KCNN2: variants seen among roughly 807,000 people sequenced by gnomAD.
KCNN2 encodes the protein potassium calcium-activated channel subfamily N member 2.
A neutral mutation model predicts 55.5 loss-of-function variants in KCNN2; 24 were observed. That is an observed-to-expected ratio of 0.43 (90% confidence interval 0.31 to 0.61). The LOEUF is 0.61. Ranked by LOEUF, KCNN2 falls within the 20% of genes least tolerant of loss-of-function variation. The pLI, the probability that KCNN2 is intolerant of heterozygous loss-of-function variation, is 0.08. For missense variants in KCNN2, 754 were observed against 853.6 expected (o/e 0.88, Z 1.45); for synonymous variants, 431 against 336.1 (o/e 1.28, Z -3.09).
intron 3 of KCNN2, among the ~76,000 whole-genome samples, chr5:114,455,823 T>C (rs1760899957): frequency 6.6e-6 from 1 of 152,212 alleles, no homozygotes; most frequent in South Asian, 2.1e-4. Flanking sequence ...AGCTGCAACA[T>C]TTCCTCAAGC....
At chr5:114,269,123 C>A (rs888959231) in intron 2 of KCNN2, among the ~76,000 whole-genome samples, 3 of 152,230 alleles carry the variant, frequency 2.0e-5, no homozygotes, top group African/African-American at 7.2e-5. Flanking sequence ...TGTTCTCTCT[C>A]TTCTTGCATT....
intron 4 of KCNN2, among the ~76,000 whole-genome samples, chr5:114,470,697 T>A (rs928740406): frequency 6.6e-6 from 1 of 152,222 alleles, no homozygotes; most frequent in Non-Finnish European, 1.5e-5. Context: ...CCCTCTGCCT[T>A]TACTTTCCTT....
At chr5:114,077,522 C>G (rs1053586084) in intron 1 of KCNN2, among the ~76,000 whole-genome samples, 5 of 152,198 alleles carry the variant, frequency 3.3e-5, no homozygotes, top group Non-Finnish European at 5.9e-5. Flanking sequence ...GGACACTGCC[C>G]TGGGTCTTGA....
intron 1 of KCNN2, among the ~76,000 whole-genome samples, chr5:114,128,013 A>T (rs1751973981): frequency 6.6e-6 from 1 of 152,146 alleles, no homozygotes; most frequent in South Asian, 2.1e-4. Flanking sequence ...AAGCCACTCA[A>T]CAAATCTCTA....
chr5:114,367,890 A>G (rs892831513), intron 2 of KCNN2, among the ~76,000 whole-genome samples: 18 of 152,130 alleles, frequency 1.2e-4, no homozygotes, highest in Admixed American at 1.0e-3. Context: ...GGGACAGAAA[A>G]CCCCTTGGAC....
chr5:114,194,999 A>G (rs1019530688), intron 1 of KCNN2, among the ~76,000 whole-genome samples: 5 of 151,770 alleles, frequency 3.3e-5, no homozygotes, highest in Admixed American at 6.6e-5. Flanking sequence ...TTAATGGACT[A>G]TAGTGTAAAG....
At chr5:114,388,666 C>T (rs931245386) in intron 2 of KCNN2, among the ~76,000 whole-genome samples, 1 of 152,122 alleles carries the variant, frequency 6.6e-6, no homozygotes, top group Non-Finnish European at 1.5e-5. Flanking sequence ...CACTCCTTAG[C>T]AGTCACTTCT....
At chr5:114,494,402 A>T (rs1748011381) in intron 7 of KCNN2, among the ~76,000 whole-genome samples, 1 of 150,586 alleles carries the variant, frequency 6.6e-6, no homozygotes, top group Non-Finnish European at 1.5e-5. Flanking sequence ...CACATACTAG[A>T]TGTTGAAGAC....
intron 3 of KCNN2, among the ~76,000 whole-genome samples, chr5:114,430,951 A>G (rs1759773938): frequency 6.6e-6 from 1 of 152,128 alleles, no homozygotes; most frequent in African/African-American, 2.4e-5. Flanking sequence ...ATTCCGTTTA[A>G]TTGTGATATA....
At chr5:114,479,297 A>G (rs1762116469) in intron 5 of KCNN2, among the ~76,000 whole-genome samples, 1 of 152,150 alleles carries the variant, frequency 6.6e-6, no homozygotes, top group Admixed American at 6.5e-5. Context: ...TCAAACCAAC[A>G]AAGATTAAAA....
chr5:114,275,091 T>C (rs980159083), intron 2 of KCNN2, among the ~76,000 whole-genome samples: 1 of 152,192 alleles, frequency 6.6e-6, no homozygotes, highest in African/African-American at 2.4e-5. Context: ...ATTGAGATAA[T>C]TATGTGGTTT....
intron 1 of KCNN2, among the ~76,000 whole-genome samples, chr5:114,175,742 A>C (rs1377025812): frequency 6.6e-6 from 1 of 152,226 alleles, no homozygotes. Flanking sequence ...TCTATGAAAT[A>C]TTTTAATTCT....
At chr5:114,061,563 C>A (rs765343971) in intron 1 of KCNN2, among the ~76,000 whole-genome samples, 1 of 151,960 alleles carries the variant, frequency 6.6e-6, no homozygotes, top group Non-Finnish European at 1.5e-5. Context: ...TGTTCCCATT[C>A]AGGGATCTAG....
At chr5:114,428,271 T>C (rs981920922) in intron 3 of KCNN2, among the ~76,000 whole-genome samples, 1 of 152,156 alleles carries the variant, frequency 6.6e-6, no homozygotes, top group African/African-American at 2.4e-5. Flanking sequence ...AATGTATGTG[T>C]TTTAATAACA....
rs2150045118 is a variant in KCNN2 at position 114,362,447 on chromosome 5, C to T, written c.308C>T (p.Thr103Ile). ...CCCGGCGGCGCCTTCCGGACCCGCA[C>T]CTCCTCGCCGCTGTCGGGCTCGTCC... Reference protein sequence around the residue: ...SSPGGAFRTRTSSPLSGSSCC... With the variant: ...SSPGGAFRTRISSPLSGSSCC... The change falls in exon 1 of 8, where the codon ACC (threonine) becomes ATC (isoleucine). Residue 103 changes from threonine (T) to isoleucine (I), a missense_variant. Transcript: ENST00000673685. 2.5e-6 allele frequency: 1 copy of T among 394,266 alleles called. No individual in the cohort carries two copies. The highest frequency in any genetic ancestry group is 4.5e-6 in the Non-Finnish European group (1 of 221,928). 24.4% of individuals were successfully genotyped at this position (394,266 alleles called of 1,614,324 possible). A position where few individuals can be genotyped will look rare whatever the true frequency, so the allele number is the denominator to read the frequency against.
At chr5:114,174,132 A>G (rs565636658) in intron 1 of KCNN2, among the ~76,000 whole-genome samples, 19 of 152,210 alleles carry the variant, frequency 1.2e-4, no homozygotes, top group African/African-American at 4.6e-4. Context: ...AGTGGCTCAG[A>G]ATTATTTCAG....
Position 114,324,013 on chromosome 5 carries a change from T to C in KCNN2, c.-184-36932T>C, listed in dbSNP as rs763850826. On this transcript the variant is annotated intron_variant, in intron 2 of 10. Coordinates refer to the KCNN2 transcript ENST00000512097. ...ATAAGGTCCTATAAAATATTAAATG[T>C]TATTACTATAATTATAAACCAAATC... 5.8e-4 allele frequency among the ~76,000 whole-genome samples: 88 copies of C among 152,298 alleles called. 2 individuals are homozygous for C. The highest frequency in any genetic ancestry group is 3.1e-4 in the Non-Finnish European group (21 of 68,014).
At position 114,243,104 on chromosome 5, in the gene KCNN2, G is replaced by C. The variant is rs189067195; in HGVS notation, c.-185+21539G>C. On this transcript the variant is annotated intron_variant, in intron 2 of 10. Transcript: ENST00000512097. The stretch of plus-strand genomic sequence containing the variant: ...TAATATGTCTTCATACAAAATTATT[G>C]TTACATAGTATATTTTATACTGCAT... Among the ~76,000 whole-genome samples, 304 of 152,162 alleles carry C rather than the reference G, an allele frequency of 2.0e-3. 1 individual carries two copies. Among genetic ancestry groups the C allele is most frequent in the South Asian group, 0.011 (52 of 4,820 alleles).
At chr5:114,150,222 C>G (rs1418378133) in intron 1 of KCNN2, among the ~76,000 whole-genome samples, 1 of 152,136 alleles carries the variant, frequency 6.6e-6, no homozygotes, top group African/African-American at 2.4e-5. Flanking sequence ...TTCAGGGGGT[C>G]TCCCTACATA....
Sources: allele counts gnomAD v4.1 joint callset (sites outside exome capture counted in the v4.1 genomes callset), GRCh38; gene constraint gnomAD v4.1.1; transcripts MANE v1.5; gene names NCBI Gene and HGNC (gene_info 2026-07-23, HGNC 2026-07-21).